LRBA: variants seen among roughly 807,000 people sequenced by gnomAD.
LRBA encodes LPS responsive beige-like anchor protein, also known as lipopolysaccharide-responsive and beige-like anchor protein.
Under a neutral mutation model 330.0 loss-of-function variants are expected in LRBA, and 176 were observed. The ratio of observed to expected loss-of-function variants is 0.53; its 90% CI spans 0.47 to 0.60. The LOEUF (loss-of-function observed/expected upper bound fraction) is 0.60. Among genes scored for constraint, LRBA ranks in the 20% least tolerant of loss-of-function variants. LRBA has a pLI of 0.00. For missense variants in LRBA, 3,259 were observed against 3,444.8 expected, an observed-to-expected ratio of 0.95 and a Z score of 1.35; for synonymous variants, 1,230 against 1,193.0, an observed-to-expected ratio of 1.03 and a Z score of -0.64.
intron 17 of LRBA, among the ~76,000 whole-genome samples, chr4:150,880,224 C>A (rs911618514): frequency 4.6e-5 from 7 of 152,170 alleles, no homozygotes; most frequent in Non-Finnish European, 8.8e-5. Context: ...CCTTACCTTT[C>A]ACCATACAAA....
intron 34 of LRBA, among the ~76,000 whole-genome samples, chr4:150,766,959 A>G (rs1048900705): frequency 6.6e-6 from 1 of 152,154 alleles, no homozygotes; most frequent in Admixed American, 6.5e-5. Context: ...ATTTTTACTA[A>G]AATATACTCT....
chr4:150,356,123 T>C (rs955571805), intron 47 of LRBA, among the ~76,000 whole-genome samples: 5 of 152,090 alleles, frequency 3.3e-5, no homozygotes, highest in Non-Finnish European at 5.9e-5. Flanking sequence ...AAATATATGA[T>C]ATAAAGTCCT....
intron 2 of LRBA, among the ~76,000 whole-genome samples, chr4:150,979,615 G>A (rs1053560960): frequency 1.3e-5 from 2 of 152,144 alleles, no homozygotes; most frequent in Non-Finnish European, 1.5e-5. Context: ...GGGAGATAAA[G>A]GTAAAGTGTA....
At chr4:150,377,754 T>C (rs1219723096) in intron 47 of LRBA, among the ~76,000 whole-genome samples, 2 of 152,176 alleles carry the variant, frequency 1.3e-5, no homozygotes, top group Non-Finnish European at 2.9e-5. Context: ...AAATGTTTTT[T>C]ATACCAATTT....
chr4:150,975,045 C>T (rs1404134725), intron 2 of LRBA, among the ~76,000 whole-genome samples: 2 of 152,248 alleles, frequency 1.3e-5, no homozygotes, highest in East Asian at 3.9e-4. Context: ...AGTCTACCAA[C>T]ATAACTTTCA....
intron 47 of LRBA, among the ~76,000 whole-genome samples, chr4:150,369,880 A>C (rs1740013201): frequency 6.6e-6 from 1 of 152,130 alleles, no homozygotes; most frequent in South Asian, 2.1e-4. Flanking sequence ...CTCCATTATT[A>C]CATTTGAACT....
intron 40 of LRBA, among the ~76,000 whole-genome samples, chr4:150,578,919 G>A (rs1770872224): frequency 6.6e-6 from 1 of 152,192 alleles, no homozygotes; most frequent in African/African-American, 2.4e-5. Context: ...CACTGCCTAA[G>A]CCAAACAAAC....
intron 53 of LRBA, among the ~76,000 whole-genome samples, chr4:150,297,790 G>A (rs1256407358): frequency 1.3e-5 from 2 of 152,150 alleles, no homozygotes; most frequent in African/African-American, 4.8e-5. Context: ...ACCAACTGTG[G>A]TGCTTTGTTT....
chr4:150,824,952 T>A (rs190857968), intron 30 of LRBA, among the ~76,000 whole-genome samples: 34 of 152,028 alleles, frequency 2.2e-4, no homozygotes, highest in Non-Finnish European at 4.3e-4. Flanking sequence ...TCTTTTTGTT[T>A]TAAAATCTCA....
chr4:150,682,955 A>G (rs1783177431), intron 37 of LRBA, among the ~76,000 whole-genome samples: 1 of 152,144 alleles, frequency 6.6e-6, no homozygotes, highest in African/African-American at 2.4e-5. Context: ...ATTAATTTCT[A>G]TAAAGTAAAA....
At chr4:150,409,968 TC>T (rs1264103547) in intron 47 of LRBA, among the ~76,000 whole-genome samples, 1 of 152,112 alleles carries the variant, frequency 6.6e-6, no homozygotes, top group Non-Finnish European at 1.5e-5. Context: ...AATAATTATT[TC>T]CAACTGCAGC....
intron 2 of LRBA, among the ~76,000 whole-genome samples, chr4:151,007,234 G>T (rs1384199109): frequency 6.6e-6 from 1 of 152,168 alleles, no homozygotes; most frequent in African/African-American, 2.4e-5. Flanking sequence ...GGGTGCAGTG[G>T]CTCACGCCTG....
At chr4:150,982,729 A>G (rs1005481232) in intron 2 of LRBA, among the ~76,000 whole-genome samples, 2 of 152,234 alleles carry the variant, frequency 1.3e-5, no homozygotes, top group Admixed American at 1.3e-4. Flanking sequence ...AAGTAACAAC[A>G]GAGGACAACA....
At chr4:150,299,071 G>A (rs535631289) in intron 53 of LRBA, among the ~76,000 whole-genome samples, 1 of 152,068 alleles carries the variant, frequency 6.6e-6, no homozygotes, top group Admixed American at 6.6e-5. Context: ...GGAATGCACT[G>A]GGGAACATTT....
At chr4:150,341,429 A>G (rs1487311756) in intron 48 of LRBA, among the ~76,000 whole-genome samples, 2 of 151,984 alleles carry the variant, frequency 1.3e-5, no homozygotes, top group Admixed American at 6.6e-5. Flanking sequence ...CAGCCTCCCA[A>G]AGTGCTGGGA....
intron 30 of LRBA, among the ~76,000 whole-genome samples, chr4:150,822,767 A>T (rs1165136309): frequency 1.3e-5 from 2 of 152,140 alleles, no homozygotes; most frequent in Non-Finnish European, 2.9e-5. Flanking sequence ...TAAAATAAAT[A>T]AATAAAAATT....
intron 46 of LRBA, chr4:150,422,974 T>C: frequency 1.3e-6 from 1 of 781,590 alleles, no homozygotes; most frequent in Non-Finnish European, 2.4e-6. Flanking sequence ...TGAGAAGTAT[T>C]TCTGGTCCAA....
At chr4:150,508,575 A>G (rs1258187046) in intron 40 of LRBA, among the ~76,000 whole-genome samples, 10 of 152,222 alleles carry the variant, frequency 6.6e-5, no homozygotes, top group Admixed American at 5.2e-4. Flanking sequence ...GGCAGGAGCC[A>G]CCACGTCCAG....
chr4:150,527,333 A>G (rs1308201100), intron 40 of LRBA, among the ~76,000 whole-genome samples: 2 of 152,206 alleles, frequency 1.3e-5, no homozygotes, highest in East Asian at 3.8e-4. Context: ...CAAGGACATA[A>G]TTTTAAAATT....
Sources: allele counts gnomAD v4.1 joint callset (sites outside exome capture counted in the v4.1 genomes callset), GRCh38; gene constraint gnomAD v4.1.1; transcripts MANE v1.5; gene names NCBI Gene and HGNC (gene_info 2026-07-23, HGNC 2026-07-21).